Variants in FOXA3 observed in about 807,000 individuals in gnomAD.
FOXA3 encodes hepatocyte nuclear factor 3-gamma.
FOXA3 carries 11 observed loss-of-function variants against 16.9 expected under a neutral mutation model. The ratio of observed to expected loss-of-function variants is 0.65; its 90% confidence interval spans 0.41 to 1.08. FOXA3 has a LOEUF of 1.08. Ranked by LOEUF, FOXA3 falls within the 50% of genes least tolerant of loss-of-function variation. The pLI, the probability that FOXA3 is intolerant of heterozygous loss-of-function variation, is 0.00. For missense variants in FOXA3, 423 were observed against 470.1 expected, an observed-to-expected ratio of 0.90 and a Z score of 0.93; for synonymous variants, 217 against 203.3, an observed-to-expected ratio of 1.07 and a Z score of -0.57.
chr19:45,873,138 T>C lies in FOXA3; in HGVS notation c.*80T>C, dbSNP rs1966927635. 6.5e-7 allele frequency: 1 copy of C among 1,545,748 alleles called. No individual in the cohort carries two copies. On this transcript the variant is annotated 3_prime_UTR_variant, in exon 2 of 2. Coordinates refer to ENST00000302177, the MANE Select transcript of FOXA3 (RefSeq NM_004497.3). ...TGGGGCCTGATCCTTCTGGTGACAC[T>C]TCACTTGTCCCATTGGTTAACATCT...
In FOXA3 at chr19:45,864,523, G is replaced by T; in HGVS notation, c.67G>T (p.Glu23Ter). The change falls in exon 1 of 2, where the codon GAG (glutamate) becomes TAG (stop). Residue 23 changes from glutamate to a stop codon, truncating the protein, a stop_gained and splice_region_variant. Coordinates refer to ENST00000302177, the MANE Select transcript of FOXA3 (RefSeq NM_004497.3). LOFTEE classifies it high-confidence loss of function. ...GTGGAGCTACTACCCGGAGGCGGGC[G>T]AGGTGTGTCCTCGGGGATGGCGGAG... ...AEWSYYPEAG[E>*]VYSPVTPVPT... 1 of 1,545,306 alleles carries T rather than the reference G, an allele frequency of 6.5e-7. No homozygotes were observed.
At chr19:45,869,785 T>G (rs952408331) in intron 1 of FOXA3, among the ~76,000 whole-genome samples, 1 of 141,978 alleles carries the variant, frequency 7.0e-6, no homozygotes, top group Non-Finnish European at 1.5e-5. Flanking sequence ...TTATTTTTAT[T>G]TATTTATTTT....
At position 45,873,015 on chromosome 19, in the gene FOXA3, A is replaced by G; in HGVS notation, c.1010A>G (p.Tyr337Cys). The G allele has an allele frequency of 6.2e-7, 1 of 1,610,818 alleles. No individual in the cohort carries two copies. The highest frequency in any genetic ancestry group is 8.5e-7 in the Non-Finnish European group (1 of 1,178,418). Residue 337 changes from tyrosine to cysteine, a missense_variant, in exon 2 of 2, where the codon TAC becomes TGC. By Grantham distance (194) the Tyr-to-Cys change is radical. This residue lies in a region of FOXA3 where 168 missense variants were observed against 179.3 expected (regional missense o/e 0.94). Transcript: ENST00000302177. Reference sequence around the variant, plus strand: ...GCTGAAGGTGGGGAGCCTGGAGTCTACTACCAGGGCCTCTATTCCCGCTCT... The same window carrying G: ...GCTGAAGGTGGGGAGCCTGGAGTCTGCTACCAGGGCCTCTATTCCCGCTCT... Reference protein sequence around the residue: ...YGAEGGEPGVYYQGLYSRSLL... With the variant: ...YGAEGGEPGVCYQGLYSRSLL...
chr19:45,864,584 A>C, intron 1 of FOXA3, 59 bp downstream of exon 1: 20 of 1,388,326 alleles, frequency 1.4e-5, no homozygotes, highest in Non-Finnish European at 1.9e-5. Context: ...GTGTGGGCTC[A>C]CATGGAGCAG....
intron 1 of FOXA3, among the ~76,000 whole-genome samples, chr19:45,868,450 C>T (rs1047827683): frequency 2.0e-5 from 3 of 151,976 alleles, no homozygotes; most frequent in Admixed American, 6.6e-5. Flanking sequence ...TGTTGTGGTG[C>T]GTGCCCGTAA....
chr19:45,872,441 T>C lies in FOXA3; in HGVS notation c.436T>C (p.Trp146Arg). Residue 146 changes from tryptophan to arginine, a missense_variant, in exon 2 of 2, where the codon TGG becomes CGG. This residue lies in a region of FOXA3 where 85 missense variants were observed against 136.9 expected (regional missense o/e 0.62). Transcript: ENST00000302177. The surrounding 1 kb of genome is among the most constrained non-coding windows in gnomAD (Gnocchi z 4.5). ...GCTGACCTTGAGTGAAATCTACCAGTGGATCATGGACCTCTTCCCTTACTA... is the reference window on the plus strand; with the variant it reads ...GCTGACCTTGAGTGAAATCTACCAGCGGATCATGGACCTCTTCCCTTACTA... ...KMLTLSEIYQ[W>R]IMDLFPYYRE... is the part of the protein sequence containing the mutation. The C allele has an allele frequency of 6.2e-7, 1 of 1,614,200 alleles. No individual in the cohort carries two copies.
At position 45,872,141 on chromosome 19, in the gene FOXA3, C is replaced by A; in HGVS notation, c.136C>A (p.Leu46Ile). The change falls in exon 2 of 2, where the codon CTA (leucine) becomes ATA (isoleucine). Residue 46 changes from leucine to isoleucine, a missense_variant. Leu to Ile is a conservative substitution (Grantham distance 5). Coordinates refer to ENST00000302177, the MANE Select transcript of FOXA3 (RefSeq NM_004497.3). This position sits in a 1 kb window ranked among gnomAD's most constrained non-coding sequence, Gnocchi z 4.5. ...CAACTCCTACATGACCCTGAATCCT[C>A]TAAGCTCTCCCTATCCCCCTGGGGG... ...PLNSYMTLNP[L>I]SSPYPPGGLP... The A allele has an allele frequency of 6.3e-7, 1 of 1,596,180 alleles. No individual in the cohort carries two copies.
At chr19:45,869,420 T>C (rs965055779) in intron 1 of FOXA3, among the ~76,000 whole-genome samples, 9 of 152,182 alleles carry the variant, frequency 5.9e-5, no homozygotes, top group African/African-American at 1.9e-4. Flanking sequence ...TTGTCAAGAT[T>C]AAAGGAGACC....
At chr19:45,867,954 T>G (rs1055656345) in intron 1 of FOXA3, among the ~76,000 whole-genome samples, 4 of 126,630 alleles carry the variant, frequency 3.2e-5, no homozygotes, top group Admixed American at 8.8e-5. Context: ...GAAAGAAAGA[T>G]GGGAGAGGAC....
chr19:45,865,090 G>A (rs926526609), intron 1 of FOXA3, among the ~76,000 whole-genome samples: 1 of 152,042 alleles, frequency 6.6e-6, no homozygotes, highest in African/African-American at 2.4e-5. Context: ...AGATGGGGGT[G>A]CTCAGAGATG....
Position 45,873,161 on chromosome 19 carries a change from TCTGGGTGGGTCTATTACTTA to T in FOXA3, c.*107_*126del. On this transcript the variant is annotated 3_prime_UTR_variant, in exon 2 of 2. Transcript: ENST00000302177. ...ACTTCACTTGTCCCATTGGTTAACA[TCTGGGTGGGTCTATTACTTA>T]CTGTGATGACTGCTGTCTCAGTGGG... 2 of 1,514,480 alleles carry T rather than the reference TCTGGGTGGGTCTATTACTTA, an allele frequency of 1.3e-6. No homozygotes were observed. Among genetic ancestry groups the T allele is most frequent in the Non-Finnish European group, 1.8e-6 (2 of 1,121,256 alleles). The allele number at this position is 1,514,480 out of a possible 1,614,324, so 93.8% of individuals were successfully genotyped here. A position where few individuals can be genotyped will look rare whatever the true frequency, so the allele number is the denominator to read the frequency against.
intron 1 of FOXA3, among the ~76,000 whole-genome samples, chr19:45,866,718 C>G (rs935421279): frequency 6.6e-6 from 1 of 152,164 alleles, no homozygotes; most frequent in Non-Finnish European, 1.5e-5. Context: ...GGAAAGTTAC[C>G]ATCCTGGGAT....
intron 1 of FOXA3, among the ~76,000 whole-genome samples, chr19:45,869,417 G>A (rs531180374): frequency 7.2e-5 from 11 of 152,286 alleles, no homozygotes; most frequent in African/African-American, 2.6e-4. Context: ...TGGTTGTCAA[G>A]ATTAAAGGAG....
In FOXA3 at chr19:45,872,081, TCGCCGGTGACCCCAGTGCC is replaced by T; in HGVS notation, c.78_96del (p.Val28TrpfsTer8). 6.2e-7 allele frequency: 1 copy of T among 1,611,368 alleles called. No homozygotes were observed. The highest frequency in any genetic ancestry group is 1.3e-5 in the African/African-American group (1 of 74,944). ...CCTTTCATCTTTCCCCTAGGTCTAC[TCGCCGGTGACCCCAGTGCC>T]CACCATGGCCCCCCTCAACTCCTAC... On this transcript the variant is annotated frameshift_variant, in exon 2 of 2. Transcript: ENST00000302177. LOFTEE classifies it high-confidence loss of function. This position sits in a 1 kb window ranked among gnomAD's most constrained non-coding sequence, Gnocchi z 4.5.
intron 1 of FOXA3, among the ~76,000 whole-genome samples, chr19:45,867,779 C>CAAAA (rs60785587): frequency 3.6e-5 from 2 of 55,462 alleles, no homozygotes; most frequent in Non-Finnish European, 5.8e-5. Flanking sequence ...GACTCTATCT[C>CAAAA]AAAAAAAAAA....
At chr19:45,865,313 A>G (rs1224001540) in intron 1 of FOXA3, among the ~76,000 whole-genome samples, 7 of 151,980 alleles carry the variant, frequency 4.6e-5, no homozygotes, top group Non-Finnish European at 8.8e-5. Context: ...ACCTCCAGCT[A>G]TTGCTAAAAT....
rs1166854232 is a variant in FOXA3 at position 45,864,521 on chromosome 19, G to T, written c.65G>T (p.Gly22Val). ...GAGTGGAGCTACTACCCGGAGGCGGGCGAGGTGTGTCCTCGGGGATGGCGG... is the reference window on the plus strand; with the variant it reads ...GAGTGGAGCTACTACCCGGAGGCGGTCGAGGTGTGTCCTCGGGGATGGCGG... ...LAEWSYYPEA[G>V]EVYSPVTPVP... Residue 22 changes from glycine to valine, a missense_variant, in exon 1 of 2, where the codon GGC becomes GTC. Coordinates refer to ENST00000302177, the MANE Select transcript of FOXA3 (RefSeq NM_004497.3). The T allele has an allele frequency of 6.5e-7, 1 of 1,546,732 alleles. No individual in the cohort carries two copies. The highest frequency in any genetic ancestry group is 1.2e-5 in the South Asian group (1 of 82,002).
intron 1 of FOXA3, among the ~76,000 whole-genome samples, chr19:45,867,728 C>T (rs1267183827): frequency 1.4e-5 from 2 of 138,318 alleles, no homozygotes; most frequent in Non-Finnish European, 3.0e-5. Flanking sequence ...TGCAGTGAGC[C>T]GAGATGGAGC....
chr19:45,865,244 A>G (rs1323469012), intron 1 of FOXA3, among the ~76,000 whole-genome samples: 1 of 152,036 alleles, frequency 6.6e-6, no homozygotes, highest in Non-Finnish European at 1.5e-5. Context: ...GGACTCCCCA[A>G]GTCGGAAGAT....
Sources: gnomAD v4.1 joint callset for allele counts (sites outside exome capture counted in the v4.1 genomes callset) on GRCh38, gnomAD v4.1.1 for gene constraint, gnomAD v4.1.1 regional missense constraint, Gnocchi (gnomAD v3.1) non-coding constraint, MANE v1.5 for transcripts, NCBI Gene and HGNC (gene_info 2026-07-23, HGNC 2026-07-21) for gene names.